Variants in ARLN observed in about 807,000 individuals in gnomAD.
The protein encoded by ARLN is allregulin, also known as sarcoplasmic/endoplasmic reticulum calcium ATPase regulator ARLN.
chr4:119,297,269 C>A, the ARLN span: 2 of 152,186 alleles, frequency 1.3e-5, no homozygotes, highest in African/African-American at 4.8e-5. Context: ...ACTTGACTAA[C>A]CCTAAGAACG....
the ARLN span, chr4:119,304,281 T>G: frequency 6.5e-7 from 1 of 1,537,032 alleles, no homozygotes. Flanking sequence ...TGTCTCCACC[T>G]TCTATGTCAT....
At chr4:119,298,831 T>C in the ARLN span, 3 of 766,594 alleles carry the variant, frequency 3.9e-6, no homozygotes, top group South Asian at 4.3e-5. Flanking sequence ...TCCCAGTTTT[T>C]AACACTTTAT....
the ARLN span, chr4:119,296,805 G>A: frequency 3.3e-5 from 5 of 152,100 alleles, no homozygotes; most frequent in African/African-American, 4.8e-5. Context: ...AGAAATCTGG[G>A]CATCTCCTAG....
chr4:119,301,178 C>A, the ARLN span, among the ~76,000 whole-genome samples: 1 of 138,340 alleles, frequency 7.2e-6, no homozygotes. Context: ...CCGAGGCGGG[C>A]GGATCACCTG....
At chr4:119,304,416 A>G in the ARLN span, 11 of 1,536,236 alleles carry the variant, frequency 7.2e-6, no homozygotes, top group Non-Finnish European at 9.6e-6. Flanking sequence ...ATGGTCTCCT[A>G]TTAATGGGGC....
At chr4:119,298,870 G>C in the ARLN span, 4 of 688,960 alleles carry the variant, frequency 5.8e-6, no homozygotes, top group Non-Finnish European at 1.1e-5. Context: ...AAAAAGAAAA[G>C]CCTAGAACAT....
At chr4:119,300,516 C>A in the ARLN span, 1 of 1,614,062 alleles carries the variant, frequency 6.2e-7, no homozygotes, top group Admixed American at 1.7e-5. Flanking sequence ...ACCATCAACA[C>A]CCGGTGCGTC....
chr4:119,304,383 A>AT, the ARLN span: 1 of 1,536,906 alleles, frequency 6.5e-7, no homozygotes, highest in Non-Finnish European at 8.7e-7. Flanking sequence ...TTTGGCACCT[A>AT]TTATTTCCCT....
At chr4:119,300,604 C>T in the ARLN span, 1 of 1,608,798 alleles carries the variant, frequency 6.2e-7, no homozygotes. Flanking sequence ...TTGGTGTTCG[C>T]CGCACCGGAA....
At chr4:119,302,350 C>T in the ARLN span, among the ~76,000 whole-genome samples, 1 of 152,148 alleles carries the variant, frequency 6.6e-6, no homozygotes, top group Non-Finnish European at 1.5e-5. Context: ...GTTATTTAAA[C>T]TAAATTCAGT....
the ARLN span, chr4:119,300,727 G>C: frequency 2.6e-6 from 4 of 1,520,362 alleles, no homozygotes; most frequent in Admixed American, 4.0e-5. Flanking sequence ...CGCTGCCTCC[G>C]TGACCGCTGG....
the ARLN span, among the ~76,000 whole-genome samples, chr4:119,302,591 A>C: frequency 6.6e-6 from 1 of 152,204 alleles, no homozygotes; most frequent in Admixed American, 6.5e-5. Flanking sequence ...ACTGTACTGA[A>C]ATCCAGGTTC....
At chr4:119,300,757 C>G in the ARLN span, 2 of 1,492,522 alleles carry the variant, frequency 1.3e-6, no homozygotes, top group Non-Finnish European at 1.8e-6. Context: ...CGGCCTCCGC[C>G]TTGACACTAA....
chr4:119,299,461 C>T, the ARLN span, among the ~76,000 whole-genome samples: 1 of 152,178 alleles, frequency 6.6e-6, no homozygotes, highest in Admixed American at 6.5e-5. Context: ...TCCAGGAGAG[C>T]TGTCTAGATG....
the ARLN span, among the ~76,000 whole-genome samples, chr4:119,299,602 C>T: frequency 6.6e-6 from 1 of 152,176 alleles, no homozygotes; most frequent in Non-Finnish European, 1.5e-5. Flanking sequence ...TTCCTTTACC[C>T]TCTGCCAGAA....
chr4:119,301,426 G>T, the ARLN span, among the ~76,000 whole-genome samples: 1 of 151,778 alleles, frequency 6.6e-6, no homozygotes, highest in Non-Finnish European at 1.5e-5. Flanking sequence ...GACTCCATCT[G>T]GGGGGAAATG....
chr4:119,298,750 A>G, the ARLN span: 2 of 773,476 alleles, frequency 2.6e-6, no homozygotes, highest in Non-Finnish European at 4.8e-6. Context: ...TCAAGAACCA[A>G]CTTCTTAATT....
chr4:119,298,632 G>A, the ARLN span: 1 of 535,330 alleles, frequency 1.9e-6, no homozygotes, highest in Non-Finnish European at 3.4e-6. Context: ...CTGCAAATTA[G>A]TAACAAAGTG....
At chr4:119,298,912 C>G in the ARLN span, 4 of 558,890 alleles carry the variant, frequency 7.2e-6, no homozygotes, top group Non-Finnish European at 9.7e-6. Context: ...CTATCCAGAG[C>G]TGAAAGTTCA....
Sources: gnomAD v4.1 joint callset for allele counts (sites outside exome capture counted in the v4.1 genomes callset) on GRCh38, gnomAD v4.1.1 for gene constraint, MANE v1.5 for transcripts, NCBI Gene and HGNC (gene_info 2026-07-23, HGNC 2026-07-21) for gene names.